SNX27: variants seen among roughly 807,000 people sequenced by gnomAD.
SNX27 encodes sorting nexin-27.
In SNX27, 22 loss-of-function variants were observed where a neutral mutation model predicts 71.6. The observed-to-expected ratio is 0.31, with a 90% CI of 0.22 to 0.44. SNX27 has a LOEUF of 0.44. SNX27 is among the 20% of genes least tolerant of loss of function. SNX27 has a pLI of 1.00. For missense variants in SNX27, 531 were observed against 698.6 expected (o/e 0.76, Z 2.70); for synonymous variants, 269 against 277.2 (o/e 0.97, Z 0.29).
intron 1 of SNX27, among the ~76,000 whole-genome samples, chr1:151,626,977 G>A (rs769531309): frequency 2.6e-5 from 4 of 152,116 alleles, no homozygotes; most frequent in Non-Finnish European, 5.9e-5. Flanking sequence ...AAAGGTCCCT[G>A]GTTCCTTTAT....
At position 151,692,917 on chromosome 1, in the gene SNX27, G is replaced by A. The variant is rs1335766263; in HGVS notation, c.1396G>A (p.Val466Ile). The A allele has an allele frequency of 6.2e-7, 1 of 1,614,170 alleles. No individual in the cohort carries two copies. The highest frequency in any genetic ancestry group is 1.1e-5 in the South Asian group (1 of 91,088). ...CCTTGTCTTGGTTGTCCAGAACCAGGTAATTGCATTTGAATGGGATGAGAT... is the reference window on the plus strand; with the variant it reads ...CCTTGTCTTGGTTGTCCAGAACCAGATAATTGCATTTGAATGGGATGAGAT... ...CTEEGQLENQ[V>I]IAFEWDEMQR... Residue 466 changes from valine to isoleucine, a missense_variant, in exon 10 of 12, where the codon GTA (valine) becomes ATA (isoleucine). This residue lies in a region of SNX27 where 157 missense variants were observed against 178.4 expected (regional missense o/e 0.88). Transcript: ENST00000458013.
At chr1:151,658,108 C>A in intron 2 of SNX27, 127 bp from the exon 3 acceptor site, 1 of 788,836 alleles carries the variant, frequency 1.3e-6, no homozygotes, top group Non-Finnish European at 1.9e-6. Context: ...TTAAAGTGAG[C>A]TTGAATATAG....
At chr1:151,633,020 C>T (rs893649584) in intron 1 of SNX27, among the ~76,000 whole-genome samples, 2 of 151,966 alleles carry the variant, frequency 1.3e-5, no homozygotes, top group African/African-American at 2.4e-5. Flanking sequence ...TACAGGCGCC[C>T]GCCACTACGC....
intron 7 of SNX27, 96 bp from the exon 8 acceptor site, chr1:151,683,260 G>T: frequency 1.1e-6 from 1 of 947,840 alleles, no homozygotes. Context: ...GTGGATAAGA[G>T]ATTTTCTGAA....
At chr1:151,639,169 A>G (rs1264057835) in intron 2 of SNX27, 50 bp downstream of exon 2, 1 of 1,505,524 alleles carries the variant, frequency 6.6e-7, no homozygotes. Flanking sequence ...TGTTTCCCCT[A>G]GTCTTATAAT....
At chr1:151,663,006 A>G (rs1267418448) in intron 5 of SNX27, among the ~76,000 whole-genome samples, 3 of 152,138 alleles carry the variant, frequency 2.0e-5, no homozygotes, top group Admixed American at 2.0e-4. Flanking sequence ...CCACAGTGCC[A>G]TTATCAAACC....
chr1:151,613,472 A>T (rs1667286584), intron 1 of SNX27: 1 of 152,286 alleles, frequency 6.6e-6, no homozygotes, highest in South Asian at 2.1e-4. Flanking sequence ...TTTTTAGGGC[A>T]TGCCCGTCTC....
At chr1:151,644,686 G>A (rs907362162) in intron 2 of SNX27, among the ~76,000 whole-genome samples, 6 of 152,130 alleles carry the variant, frequency 3.9e-5, no homozygotes, top group African/African-American at 1.4e-4. Context: ...ACCTTTTGAG[G>A]AACTGCCAAA....
At chr1:151,672,982 C>T (rs906506738) in intron 7 of SNX27, among the ~76,000 whole-genome samples, 1 of 150,764 alleles carries the variant, frequency 6.6e-6, no homozygotes, top group African/African-American at 2.4e-5. Flanking sequence ...TTTATTTCTG[C>T]TCTAATCTTT....
intron 2 of SNX27, among the ~76,000 whole-genome samples, chr1:151,655,444 A>G (rs768438471): frequency 3.3e-5 from 5 of 152,200 alleles, no homozygotes; most frequent in Admixed American, 6.5e-5. Context: ...TTCTGGAGCT[A>G]TGTCTTGCTT....
intron 1 of SNX27, among the ~76,000 whole-genome samples, chr1:151,627,736 C>G (rs1050490372): frequency 8.0e-6 from 1 of 125,376 alleles, no homozygotes; most frequent in Non-Finnish European, 2.0e-5. Flanking sequence ...CCAAGGTTCA[C>G]TCTTTGTTCT....
rs187570659 is a variant in SNX27, at chr1:151,696,191, A to C, written c.*1774A>C. On this transcript the variant is annotated 3_prime_UTR_variant, in exon 12 of 12. Coordinates refer to ENST00000458013, the MANE Select transcript of SNX27 (RefSeq NM_001330723.2). ...CATCCCAGGATCAGAAGCCAGGGCT[A>C]ATTGGGGTAGGACAATATTCCCAGC... The C allele has an allele frequency of 2.7e-4, 41 of 152,346 alleles. No individual in the cohort carries two copies. Among genetic ancestry groups the C allele is most frequent in the African/African-American group, 9.9e-4 (41 of 41,586 alleles). 9.4% of individuals were successfully genotyped at this position (152,346 alleles called of 1,614,324 possible).
intron 2 of SNX27, among the ~76,000 whole-genome samples, chr1:151,655,403 CA>C (rs1669638422): frequency 6.6e-6 from 1 of 152,150 alleles, no homozygotes; most frequent in Non-Finnish European, 1.5e-5. Flanking sequence ...GATCGTTATT[CA>C]GTCAAAATTC....
intron 1 of SNX27, among the ~76,000 whole-genome samples, chr1:151,627,299 A>G (rs1191309880): frequency 1.3e-5 from 2 of 152,150 alleles, no homozygotes. Context: ...TTCAATTCCA[A>G]TACACTTGTT....
intron 5 of SNX27, 111 bp from the exon 6 acceptor site, chr1:151,665,822 A>C: frequency 1.3e-6 from 1 of 789,776 alleles, no homozygotes; most frequent in Admixed American, 2.6e-5. Context: ...TTGTGAGGCC[A>C]AGATGGCAGA....
Position 151,698,117 on chromosome 1 carries a change from G to T in SNX27, c.*3700G>T, listed in dbSNP as rs926773421. 3 of 128,272 alleles carry T rather than the reference G, an allele frequency of 2.3e-5. 1 individual carries two copies. Among genetic ancestry groups the T allele is most frequent in the East Asian group, 8.8e-4 (2 of 2,262 alleles). The allele number at this position is 128,272 out of a possible 1,614,324, so 7.9% of individuals were successfully genotyped here. ...TCCTAGGCCTGGACTGAGCTCTCAGGGGGGAATTAGATAAATATTCCAACA... is the reference window on the plus strand; with the variant it reads ...TCCTAGGCCTGGACTGAGCTCTCAGTGGGGAATTAGATAAATATTCCAACA... On this transcript the variant is annotated 3_prime_UTR_variant, in exon 12 of 12. Coordinates refer to ENST00000458013, the MANE Select transcript of SNX27 (RefSeq NM_001330723.2).
chr1:151,675,080 C>T (rs1485816447), intron 7 of SNX27, among the ~76,000 whole-genome samples: 6 of 152,220 alleles, frequency 3.9e-5, no homozygotes, highest in African/African-American at 4.8e-5. Flanking sequence ...ACAGATTCTT[C>T]GGTCTTTTGG....
intron 9 of SNX27, 127 bp from the exon 10 acceptor site, chr1:151,692,784 C>A: frequency 7.0e-7 from 1 of 1,419,636 alleles, no homozygotes; most frequent in South Asian, 1.3e-5. Flanking sequence ...CTATCACAGT[C>A]CTTTCTCTGA....
At chr1:151,637,743 A>G (rs1668533562) in intron 1 of SNX27, among the ~76,000 whole-genome samples, 2 of 152,240 alleles carry the variant, frequency 1.3e-5, no homozygotes, top group Non-Finnish European at 2.9e-5. Flanking sequence ...TTCAGATACC[A>G]GACTCTGACA....
Sources: allele counts gnomAD v4.1 joint callset (sites outside exome capture counted in the v4.1 genomes callset), GRCh38; gene constraint gnomAD v4.1.1; regional missense constraint gnomAD v4.1.1; transcripts MANE v1.5; gene names NCBI Gene and HGNC (gene_info 2026-07-23, HGNC 2026-07-21).